Variants in UBASH3B observed in about 807,000 individuals in gnomAD.
The protein encoded by UBASH3B is ubiquitin-associated and SH3 domain-containing protein B.
In UBASH3B, 37 loss-of-function variants were observed where a neutral mutation model predicts 83.4. The ratio of observed to expected loss-of-function variants is 0.44; its 90% CI spans 0.34 to 0.58. UBASH3B has a LOEUF of 0.58. Among genes scored for constraint, UBASH3B ranks in the 20% least tolerant of loss-of-function variants. The probability of loss-of-function intolerance (pLI) is 0.01; values close to 1 mark genes in which losing one functional copy is unlikely to be tolerated. For missense variants in UBASH3B, 657 were observed against 827.2 expected (o/e 0.79, Z 2.52); for synonymous variants, 304 against 318.3 (o/e 0.96, Z 0.48).
intron 1 of UBASH3B, among the ~76,000 whole-genome samples, chr11:122,716,462 C>G (rs1015763285): frequency 6.6e-6 from 1 of 152,216 alleles, no homozygotes; most frequent in Non-Finnish European, 1.5e-5. Context: ...GAGGATGATT[C>G]TACCTTATCC....
chr11:122,783,336 A>T lies in UBASH3B; in HGVS notation c.771+114A>T, dbSNP rs567456895. 452 of 1,270,958 alleles carry T rather than the reference A, an allele frequency of 3.6e-4. 2 individuals are homozygous for T. In the African/African-American group the frequency reaches 5.8e-3, roughly 16 times the overall value. 78.7% of individuals were successfully genotyped at this position (1,270,958 alleles called of 1,614,324 possible). A position where few individuals can be genotyped will look rare whatever the true frequency, so the allele number is the denominator to read the frequency against. On this transcript the variant is annotated intron_variant, in intron 5 of 13. Coordinates refer to ENST00000284273, the MANE Select transcript of UBASH3B (RefSeq NM_032873.5). ...CAGGGGAAAAATGGAGCAAGCACCT[A>T]ACAGAGAGTCCGTTGGCTCAGGATT...
chr11:122,705,219 G>A (rs1326248989), intron 1 of UBASH3B, among the ~76,000 whole-genome samples: 1 of 152,160 alleles, frequency 6.6e-6, no homozygotes, highest in Non-Finnish European at 1.5e-5. Context: ...GGCTGAGGCA[G>A]GCAGATCATT....
chr11:122,773,449 C>A (rs1261442229), intron 1 of UBASH3B, among the ~76,000 whole-genome samples: 1 of 152,170 alleles, frequency 6.6e-6, no homozygotes, highest in Non-Finnish European at 1.5e-5. Flanking sequence ...GAATTGCACA[C>A]CCCTGTTTCA....
intron 1 of UBASH3B, among the ~76,000 whole-genome samples, chr11:122,725,895 T>C (rs1380928120): frequency 6.6e-6 from 1 of 152,096 alleles, no homozygotes; most frequent in Non-Finnish European, 1.5e-5. Context: ...GGTTTTACCA[T>C]GTTGGCGAGG....
In UBASH3B at chr11:122,759,067, G is replaced by T. The variant is rs1349064139; in HGVS notation, c.162-17152G>T. 6.6e-6 allele frequency among the ~76,000 whole-genome samples: 1 copy of T among 152,222 alleles called. No individual in the cohort carries two copies. Among genetic ancestry groups the T allele is most frequent in the Non-Finnish European group, 1.5e-5 (1 of 68,044 alleles). ...CTGGGTTCTCTGCTCAGTCTTACAA[G>T]ATTGCAGTCAAGGTGTTGGCCAGGC... is the stretch of plus-strand genomic sequence containing the variant. On this transcript the variant is annotated intron_variant, in intron 1 of 13. Coordinates refer to ENST00000284273, the MANE Select transcript of UBASH3B (RefSeq NM_032873.5). This position sits in a 1 kb window ranked among gnomAD's most constrained non-coding sequence, Gnocchi z 4.1.
At chr11:122,770,394 T>C (rs1860621974) in intron 1 of UBASH3B, among the ~76,000 whole-genome samples, 2 of 152,026 alleles carry the variant, frequency 1.3e-5, no homozygotes, top group African/African-American at 2.4e-5. Context: ...AGGCATATGC[T>C]GAGCACCCCT....
intron 9 of UBASH3B, 63 bp downstream of exon 9, chr11:122,797,096 C>T: frequency 5.9e-6 from 9 of 1,523,268 alleles, no homozygotes; most frequent in South Asian, 1.3e-5. Context: ...AACACTGGTA[C>T]CATGGATATG....
intron 3 of UBASH3B, among the ~76,000 whole-genome samples, chr11:122,778,897 G>A (rs562683475): frequency 5.3e-5 from 8 of 152,202 alleles, no homozygotes; most frequent in Admixed American, 2.0e-4. Flanking sequence ...GAGCCACTGC[G>A]CCCAGCCTGA....
At chr11:122,688,984 G>C (rs1056656215) in intron 1 of UBASH3B, among the ~76,000 whole-genome samples, 24 of 150,858 alleles carry the variant, frequency 1.6e-4, no homozygotes, top group African/African-American at 5.1e-4. Context: ...GAGGCGGGGG[G>C]GGGGGGGGTT....
rs145114035 is a variant in UBASH3B, at chr11:122,789,158, C to A, written c.830C>A (p.Pro277His). ...PQNDDELELV[P>H]GDFIFMSPME... ...AATGACGATGAGCTGGAGCTGGTCC[C>A]CGGGGACTTCATCTTCATGTCTCCA... The change falls in exon 6 of 14, where the codon CCC becomes CAC. Residue 277 changes from proline to histidine, a missense_variant. Pro to His is a moderately conservative substitution (Grantham distance 77). Coordinates refer to ENST00000284273, the MANE Select transcript of UBASH3B (RefSeq NM_032873.5). 1 of 1,614,002 alleles carries A rather than the reference C, an allele frequency of 6.2e-7. No homozygotes were observed. Among genetic ancestry groups the A allele is most frequent in the Non-Finnish European group, 8.5e-7 (1 of 1,180,036 alleles).
At chr11:122,747,995 A>G (rs1861145911) in intron 1 of UBASH3B, among the ~76,000 whole-genome samples, 1 of 152,250 alleles carries the variant, frequency 6.6e-6, no homozygotes, top group African/African-American at 2.4e-5. Context: ...GTTACACATG[A>G]TAAGCTTGTA....
At chr11:122,722,680 C>T (rs1860660267) in intron 1 of UBASH3B, among the ~76,000 whole-genome samples, 1 of 151,686 alleles carries the variant, frequency 6.6e-6, no homozygotes. Context: ...GGGGGTTACC[C>T]TTTAAGCATA....
intron 1 of UBASH3B, among the ~76,000 whole-genome samples, chr11:122,693,880 A>T (rs965602125): frequency 3.4e-4 from 51 of 152,132 alleles, no homozygotes; most frequent in Non-Finnish European, 1.0e-4. Flanking sequence ...CGAAAAAAAT[A>T]AAAATAAGAA....
intron 1 of UBASH3B, among the ~76,000 whole-genome samples, chr11:122,722,831 G>T (rs1001008028): frequency 6.6e-6 from 1 of 151,524 alleles, no homozygotes; most frequent in African/African-American, 2.4e-5. Context: ...TCAGACTCCC[G>T]AGTAGCTGGG....
At chr11:122,774,178 G>C in intron 1 of UBASH3B, 5 of 985,294 alleles carry the variant, frequency 5.1e-6, no homozygotes, top group Non-Finnish European at 6.0e-6. Flanking sequence ...GCGTGTGTGG[G>C]TCTCTGTGCT....
chr11:122,692,175 G>A (rs1444900059), intron 1 of UBASH3B, among the ~76,000 whole-genome samples: 1 of 152,132 alleles, frequency 6.6e-6, no homozygotes, highest in East Asian at 1.9e-4. Context: ...ATTAGATAAT[G>A]TTGACAGAGT....
At chr11:122,774,144 C>T (rs1860694008) in intron 1 of UBASH3B, 1 of 985,286 alleles carries the variant, frequency 1.0e-6, no homozygotes, top group Non-Finnish European at 1.2e-6. Flanking sequence ...AGCAGTTGAG[C>T]ACCTTGTCAA....
At chr11:122,665,672 G>A (rs1431809913) in intron 1 of UBASH3B, among the ~76,000 whole-genome samples, 1 of 152,196 alleles carries the variant, frequency 6.6e-6, no homozygotes, top group East Asian at 1.9e-4. Context: ...ATTTTAGAGA[G>A]TAAATAAACG....
intron 1 of UBASH3B, among the ~76,000 whole-genome samples, chr11:122,772,784 T>G (rs943071013): frequency 6.6e-6 from 1 of 152,142 alleles, no homozygotes; most frequent in African/African-American, 2.4e-5. Context: ...AATTAGCCAT[T>G]GTGTTTCTTT....
Sources: allele counts gnomAD v4.1 joint callset (sites outside exome capture counted in the v4.1 genomes callset), GRCh38; gene constraint gnomAD v4.1.1; non-coding constraint Gnocchi (gnomAD v3.1); transcripts MANE v1.5; gene names NCBI Gene and HGNC (gene_info 2026-07-23, HGNC 2026-07-21).